DAOA: variants seen among roughly 807,000 people sequenced by gnomAD.
The protein encoded by DAOA is D-amino acid oxidase activator.
A neutral mutation model predicts 16.4 loss-of-function variants in DAOA; 15 were observed. The ratio of observed to expected loss-of-function variants is 0.91; its 90% CI spans 0.61 to 1.41. DAOA has a LOEUF of 1.41. Among genes scored for constraint, DAOA ranks in the 40% most tolerant of loss-of-function variants. The pLI, the probability that DAOA is intolerant of heterozygous loss-of-function variation, is 0.00. For synonymous variants in DAOA, 75 were observed against 59.1 expected, an observed-to-expected ratio of 1.27 and a Z score of -1.23; for missense variants, 230 against 176.8, an observed-to-expected ratio of 1.30 and a Z score of -1.71.
intron 3 of DAOA, among the ~76,000 whole-genome samples, chr13:105,468,610 G>A (rs949674808): frequency 1.1e-4 from 16 of 152,266 alleles, no homozygotes; most frequent in African/African-American, 3.8e-4. Context: ...GATATGAAAT[G>A]AATTTAAAAA....
chr13:105,469,240 A>G (rs1051910643), intron 3 of DAOA, among the ~76,000 whole-genome samples: 13 of 152,316 alleles, frequency 8.5e-5, no homozygotes, highest in African/African-American at 3.1e-4. Context: ...TCTTATCACC[A>G]TCCACACTGT....
chr13:105,475,976 A>G (rs953661686), intron 4 of DAOA, among the ~76,000 whole-genome samples: 4 of 152,194 alleles, frequency 2.6e-5, no homozygotes, highest in African/African-American at 9.6e-5. Context: ...TTATGAATGC[A>G]CACACATATA....
At position 105,487,338 on chromosome 13, in the gene DAOA, T is replaced by C. The variant is rs114621343; in HGVS notation, c.282-2563T>C. On this transcript the variant is annotated intron_variant, in intron 4 of 5. Transcript: ENST00000375936. ...TCCATGTTCTTTTTTAAAAAAGTGA[T>C]CTAAATCATATAATAATATTCTGAT... Among the ~76,000 whole-genome samples the C allele has an allele frequency of 1.5e-3, 227 of 152,280 alleles. 1 individual carries two copies. Among genetic ancestry groups the C allele is most frequent in the African/African-American group, 5.3e-3 (222 of 41,558 alleles).
At chr13:105,474,164 A>G (rs1039343743) in intron 4 of DAOA, among the ~76,000 whole-genome samples, 4 of 152,090 alleles carry the variant, frequency 2.6e-5, no homozygotes, top group East Asian at 3.8e-4. Flanking sequence ...GAAATTATTT[A>G]TTTATACTGA....
intron 4 of DAOA, among the ~76,000 whole-genome samples, chr13:105,478,919 C>T (rs1877522769): frequency 6.6e-6 from 1 of 152,190 alleles, no homozygotes; most frequent in Non-Finnish European, 1.5e-5. Context: ...CTAACCCACT[C>T]TTGTCTACTC....
intron 4 of DAOA, among the ~76,000 whole-genome samples, chr13:105,480,568 ATAG>A (rs1877664755): frequency 6.8e-6 from 1 of 147,216 alleles, no homozygotes; most frequent in East Asian, 2.0e-4. Flanking sequence ...AGATAGATAG[ATAG>A]CATTTGTTAG....
At chr13:105,481,283 T>C (rs9583002) in intron 4 of DAOA, among the ~76,000 whole-genome samples, 11,175 of 152,150 alleles carry the variant, frequency 0.073, 557 homozygotes, top group African/African-American at 0.14. Context: ...TCCCAAGAAG[T>C]CTATGGTGAA....
intron 4 of DAOA, 29 bp from the exon 5 acceptor site, chr13:105,489,872 T>G: frequency 6.2e-7 from 1 of 1,613,814 alleles, no homozygotes; most frequent in East Asian, 2.2e-5. Flanking sequence ...TCACAAGACC[T>G]GGCCAACTGA....
intron 4 of DAOA, among the ~76,000 whole-genome samples, chr13:105,473,016 C>G (rs191767314): frequency 6.6e-6 from 1 of 152,050 alleles, no homozygotes; most frequent in Non-Finnish European, 1.5e-5. Context: ...CCATCTTTGT[C>G]AAGCATCTTG....
chr13:105,466,962 G>A, intron 2 of DAOA, 91 bp from the exon 3 acceptor site: 1 of 1,462,450 alleles, frequency 6.8e-7, no homozygotes, highest in East Asian at 2.4e-5. Context: ...AACCATACAT[G>A]TTATATGCTC....
intron 4 of DAOA, among the ~76,000 whole-genome samples, chr13:105,480,602 A>G (rs1877669573): frequency 6.6e-6 from 1 of 152,090 alleles, no homozygotes; most frequent in African/African-American, 2.4e-5. Context: ...TCGTGATTAT[A>G]GAGACTGAAA....
chr13:105,471,311 A>C (rs1419711282), intron 3 of DAOA, among the ~76,000 whole-genome samples: 3 of 141,014 alleles, frequency 2.1e-5, no homozygotes, highest in Non-Finnish European at 4.6e-5. Flanking sequence ...TGTGTGGCAA[A>C]TGCACTTTAT....
In DAOA at chr13:105,466,377, T is replaced by C. The variant is rs1211396056; in HGVS notation, c.44+45T>C. On this transcript the variant is annotated intron_variant, in intron 2 of 5. Transcript: ENST00000375936. Reference sequence around the variant, plus strand: ...TTACAGCATGGCGGCCTCAGTGCAATGTGACATTTGCATGGCAGCACAGAG... The same window carrying C: ...TTACAGCATGGCGGCCTCAGTGCAACGTGACATTTGCATGGCAGCACAGAG... The C allele has an allele frequency of 6.2e-6, 10 of 1,613,200 alleles. No homozygotes were observed. In the East Asian group the frequency reaches 1.6e-4, roughly 25 times the overall value.
At chr13:105,482,723 G>A (rs1223098307) in intron 4 of DAOA, among the ~76,000 whole-genome samples, 2 of 151,910 alleles carry the variant, frequency 1.3e-5, no homozygotes, top group African/African-American at 4.8e-5. Context: ...GTTCAGGCTG[G>A]TGTCAAACTC....
Position 105,487,982 on chromosome 13 carries a change from C to A in DAOA, c.282-1919C>A, listed in dbSNP as rs1006659867. ...GGAACATTAGCTGATCATGCTACTT[C>A]AATGTGACAGCTTCAGATTTTTAAC... On this transcript the variant is annotated intron_variant, in intron 4 of 5. Coordinates refer to ENST00000375936, the MANE Select transcript of DAOA (RefSeq NM_172370.5). Among the ~76,000 whole-genome samples, 97 of 152,204 alleles carry A rather than the reference C, an allele frequency of 6.4e-4. 1 individual carries two copies. Among genetic ancestry groups the A allele is most frequent in the African/African-American group, 2.3e-3 (94 of 41,538 alleles).
chr13:105,484,670 CCT>C (rs1215795463), intron 4 of DAOA, among the ~76,000 whole-genome samples: 2 of 151,994 alleles, frequency 1.3e-5, no homozygotes, highest in Admixed American at 1.3e-4. Context: ...AATTTTGAAA[CCT>C]CACTAAAATC....
intron 3 of DAOA, among the ~76,000 whole-genome samples, chr13:105,470,314 A>G (rs955375228): frequency 3.3e-5 from 5 of 151,990 alleles, no homozygotes; most frequent in Non-Finnish European, 5.9e-5. Context: ...GGGAAACTGG[A>G]ATTTCTCTGT....
chr13:105,482,414 G>T (rs1361341932), intron 4 of DAOA, among the ~76,000 whole-genome samples: 1 of 150,916 alleles, frequency 6.6e-6, no homozygotes, highest in East Asian at 1.9e-4. Context: ...CCTGCCCTTA[G>T]CTTCCGTGGG....
chr13:105,477,960 T>A (rs9284227), intron 4 of DAOA, among the ~76,000 whole-genome samples: 7,104 of 152,258 alleles, frequency 0.047, 368 homozygotes, highest in African/African-American at 0.13. Context: ...AGACTTTGCC[T>A]CAAACCAAAA....
Sources: gnomAD v4.1 joint callset for allele counts (sites outside exome capture counted in the v4.1 genomes callset) on GRCh38, gnomAD v4.1.1 for gene constraint, MANE v1.5 for transcripts, NCBI Gene and HGNC (gene_info 2026-07-23, HGNC 2026-07-21) for gene names.